Variants in CAPSL observed in about 807,000 individuals in gnomAD.
CAPSL encodes the protein calcyphosine like.
In CAPSL, 17 loss-of-function variants were observed where a neutral mutation model predicts 21.3. The ratio of observed to expected loss-of-function variants is 0.80; its 90% CI spans 0.55 to 1.20. CAPSL has a LOEUF of 1.20. Among genes scored for constraint, CAPSL ranks in the 50% most tolerant of loss-of-function variants. The pLI is 0.00. For synonymous variants in CAPSL, 102 were observed against 89.3 expected, an observed-to-expected ratio of 1.14 and a Z score of -0.80; for missense variants, 289 against 259.3, an observed-to-expected ratio of 1.11 and a Z score of -0.79.
intron 2 of CAPSL, among the ~76,000 whole-genome samples, chr5:35,915,996 A>T (rs1019133223): frequency 4.6e-5 from 7 of 152,322 alleles, no homozygotes; most frequent in African/African-American, 1.4e-4. Context: ...TCTTAAGCTG[A>T]TAAGCAACTT....
In CAPSL at chr5:35,929,279, C is replaced by CT. The variant is rs10574026; in HGVS notation, c.1-8160dup. On this transcript the variant is annotated intron_variant, in intron 1 of 4. Coordinates refer to ENST00000651391, the MANE Select transcript of CAPSL (RefSeq NM_001042625.2). ...GCAGAGCCAGGGTTGAAAACAGTTCCTTTTTTTTTTTTTTTTTTTTTCTGA... is the reference window on the plus strand; with the variant it reads ...GCAGAGCCAGGGTTGAAAACAGTTCCTTTTTTTTTTTTTTTTTTTTTTCTGA... Among the ~76,000 whole-genome samples, 1,020 of 117,640 alleles carry CT rather than the reference C, an allele frequency of 8.7e-3. 10 individuals carry two copies. Among genetic ancestry groups the CT allele is most frequent in the South Asian group, 0.022 (71 of 3,220 alleles). 77.2% of individuals were successfully genotyped at this position (117,640 alleles called of 152,430 possible).
intron 3 of CAPSL, 27 bp downstream of exon 3, chr5:35,910,339 G>T: frequency 6.2e-7 from 1 of 1,607,056 alleles, no homozygotes; most frequent in Non-Finnish European, 8.5e-7. Context: ...AAACTCAGCA[G>T]ATACACTGAT....
intron 1 of CAPSL, among the ~76,000 whole-genome samples, chr5:35,927,721 T>C (rs1458754653): frequency 2.0e-5 from 3 of 152,216 alleles, no homozygotes; most frequent in South Asian, 2.1e-4. Context: ...GGTGGACCTT[T>C]CAATACTTGA....
rs1328263175 is a variant in CAPSL, at chr5:35,919,168, A to ATTATATATATATATATATATATATAT, written c.137+1815_137+1816insATATATATATATATATATATATATAA. Among the ~76,000 whole-genome samples, 23 of 113,008 alleles carry ATTATATATATATATATATATATATAT rather than the reference A, an allele frequency of 2.0e-4. 1 individual carries two copies. The highest frequency in any genetic ancestry group is 7.1e-4 in the African/African-American group (22 of 31,032). 74.1% of individuals were successfully genotyped at this position (113,008 alleles called of 152,430 possible). On this transcript the variant is annotated intron_variant, in intron 2 of 4. Transcript: ENST00000651391. ...CTAGTATCTTTCCTGATTAAAAAAA[A>ATTATATATATATATATATATATATAT]AAATATATATATATATATATATAAA...
At chr5:35,917,502 G>T (rs376455720) in intron 2 of CAPSL, among the ~76,000 whole-genome samples, 1 of 152,108 alleles carries the variant, frequency 6.6e-6, no homozygotes, top group Non-Finnish European at 1.5e-5. Context: ...TTAAGAAAAT[G>T]TGGCACATAT....
At chr5:35,920,527 A>C (rs958024099) in intron 2 of CAPSL, among the ~76,000 whole-genome samples, 1 of 152,186 alleles carries the variant, frequency 6.6e-6, no homozygotes, top group Non-Finnish European at 1.5e-5. Flanking sequence ...GCAGTGAGCT[A>C]TCAGTTATCT....
At chr5:35,913,068 C>G (rs1160302229) in intron 2 of CAPSL, among the ~76,000 whole-genome samples, 8 of 152,132 alleles carry the variant, frequency 5.3e-5, no homozygotes, top group African/African-American at 1.9e-4. Context: ...AATGCACAAG[C>G]CTCAGTAGCC....
At chr5:35,938,702 C>T (rs563238781), upstream of CAPSL, 1 of 152,612 alleles carries the variant, frequency 6.6e-6, no homozygotes, top group African/African-American at 2.4e-5. Flanking sequence ...AATTGGAGGA[C>T]CTGGGATCAC....
At chr5:35,928,182 G>A (rs1489918973) in intron 1 of CAPSL, among the ~76,000 whole-genome samples, 1 of 152,124 alleles carries the variant, frequency 6.6e-6, no homozygotes. Context: ...TCAATAATTT[G>A]CAAAGCGACT....
intron 1 of CAPSL, 41 bp downstream of exon 1, chr5:35,938,500 A>G (rs1739012299): frequency 6.5e-6 from 1 of 152,732 alleles, no homozygotes; most frequent in South Asian, 2.1e-4. Flanking sequence ...CAAGAAAAAA[A>G]AAAACATTAA....
At chr5:35,920,036 G>A (rs1341070965) in intron 2 of CAPSL, among the ~76,000 whole-genome samples, 1 of 152,152 alleles carries the variant, frequency 6.6e-6, no homozygotes, top group East Asian at 1.9e-4. Flanking sequence ...TCTTCCCATT[G>A]GACTGGGGCA....
At chr5:35,904,807 A>T in intron 4 of CAPSL, 161 bp from the exon 5 acceptor site, 1 of 733,440 alleles carries the variant, frequency 1.4e-6, no homozygotes, top group Non-Finnish European at 1.7e-6. Flanking sequence ...AGTGAAGCTG[A>T]GGATGGTGTG....
intron 1 of CAPSL, among the ~76,000 whole-genome samples, chr5:35,926,788 C>G (rs575552840): frequency 1.3e-5 from 2 of 152,192 alleles, no homozygotes; most frequent in Non-Finnish European, 2.9e-5. Flanking sequence ...AAGGCACCAA[C>G]GCTTTTACAT....
intron 4 of CAPSL, among the ~76,000 whole-genome samples, chr5:35,906,166 A>AT (rs1397288879): frequency 2.0e-5 from 3 of 152,092 alleles, no homozygotes; most frequent in Non-Finnish European, 4.4e-5. Flanking sequence ...ACAGCTAATT[A>AT]TTTTTTAATT....
At chr5:35,920,176 T>C (rs570546836) in intron 2 of CAPSL, among the ~76,000 whole-genome samples, 1 of 152,274 alleles carries the variant, frequency 6.6e-6, no homozygotes, top group African/African-American at 2.4e-5. Context: ...GCCTTCCGCA[T>C]CTTCTGGGTC....
intron 2 of CAPSL, among the ~76,000 whole-genome samples, chr5:35,920,437 T>C (rs1482271138): frequency 2.0e-5 from 3 of 152,132 alleles, no homozygotes. Flanking sequence ...CCCTTTTGGT[T>C]TCTCAGTCCT....
At position 35,909,981 on chromosome 5, in the gene CAPSL, C is replaced by T. The variant is rs201918474; in HGVS notation, c.410G>A (p.Arg137His). The T allele has an allele frequency of 6.1e-5, 99 of 1,613,778 alleles. 1 individual carries two copies. The highest frequency in any genetic ancestry group is 8.0e-5 in the African/African-American group (6 of 75,020). The part of the protein sequence containing the change: ...GDGVITIEDL[R>H]EVYNAKHHPK... ...GTGGTGTTTTGCATTATATACTTCA[C>T]GAAGGTCTTCGATTGTTATAACACC... The change falls in exon 4 of 5, where the codon CGT becomes CAT. Residue 137 changes from arginine to histidine, a missense_variant. Coordinates refer to ENST00000651391, the MANE Select transcript of CAPSL (RefSeq NM_001042625.2).
chr5:35,912,347 A>G (rs1738249415), intron 2 of CAPSL, among the ~76,000 whole-genome samples: 1 of 152,184 alleles, frequency 6.6e-6, no homozygotes, highest in African/African-American at 2.4e-5. Flanking sequence ...CTGTCTGACA[A>G]CTTTGAAGAG....
rs200069514 is a variant in CAPSL, at chr5:35,920,957, TC to T, written c.137+26del. The T allele has an allele frequency of 2.2e-3, 3,478 of 1,610,822 alleles. 87 individuals carry two copies. The African/African-American group carries it at 0.042, about 20-fold the overall frequency. On this transcript the variant is annotated intron_variant, in intron 2 of 4. Transcript: ENST00000651391. ...GCAGAGTCATTCCTTCCCGCTCCATTCCCTGCCACTTGTAGCTGGGTCCTAC... is the reference window on the plus strand; with the variant it reads ...GCAGAGTCATTCCTTCCCGCTCCATTCCTGCCACTTGTAGCTGGGTCCTAC...
Sources: allele counts gnomAD v4.1 joint callset (sites outside exome capture counted in the v4.1 genomes callset), GRCh38; gene constraint gnomAD v4.1.1; transcripts MANE v1.5; gene names NCBI Gene and HGNC (gene_info 2026-07-23, HGNC 2026-07-21).